Variants in ESCO1 observed in about 807,000 individuals in gnomAD.
The protein encoded by ESCO1 is N-acetyltransferase ESCO1.
ESCO1 carries 33 observed loss-of-function variants against 83.5 expected under a neutral mutation model. The observed-to-expected ratio is 0.40, with a 90% confidence interval of 0.30 to 0.53. The LOEUF is 0.53. Ranked by LOEUF, ESCO1 falls within the 20% of genes least tolerant of loss-of-function variation. The probability of loss-of-function intolerance (pLI) is 0.63; values close to 1 mark genes in which losing one functional copy is unlikely to be tolerated. For synonymous variants in ESCO1, 332 were observed against 324.3 expected, an observed-to-expected ratio of 1.02 and a Z score of -0.25; for missense variants, 855 against 968.0, an observed-to-expected ratio of 0.88 and a Z score of 1.55.
At chr18:21,566,593 C>A (rs938454216) in intron 5 of ESCO1, among the ~76,000 whole-genome samples, 1 of 152,104 alleles carries the variant, frequency 6.6e-6, no homozygotes, top group African/African-American at 2.4e-5. Flanking sequence ...GGCATGGTGG[C>A]CTCACATCTG....
At chr18:21,543,300 A>G (rs1385770666) in intron 8 of ESCO1, among the ~76,000 whole-genome samples, 2 of 152,188 alleles carry the variant, frequency 1.3e-5, no homozygotes, top group Admixed American at 1.3e-4. Flanking sequence ...GATCACAGGC[A>G]TGTGCCACCA....
intron 8 of ESCO1, among the ~76,000 whole-genome samples, chr18:21,544,490 G>A (rs2037946979): frequency 2.0e-5 from 3 of 150,742 alleles, no homozygotes; most frequent in African/African-American, 4.9e-5. Context: ...CTAGACAAGC[G>A]TGGTGGCATG....
At chr18:21,549,795 T>C (rs1307074222) in intron 8 of ESCO1, among the ~76,000 whole-genome samples, 1 of 151,744 alleles carries the variant, frequency 6.6e-6, no homozygotes, top group Admixed American at 6.6e-5. Context: ...GCTGAAACCC[T>C]GTCTCTACTA....
chr18:21,568,140 T>A, intron 4 of ESCO1, 46 bp from the exon 5 acceptor site: 3 of 1,409,798 alleles, frequency 2.1e-6, no homozygotes, highest in Non-Finnish European at 2.0e-6. Flanking sequence ...TTGGGTTTTA[T>A]CTAAATAAAC....
In ESCO1 at chr18:21,530,301, T is replaced by C; in HGVS notation, c.*42A>G. The C allele has an allele frequency of 6.8e-7, 1 of 1,476,580 alleles. No individual in the cohort carries two copies. The highest frequency in any genetic ancestry group is 9.0e-7 in the Non-Finnish European group (1 of 1,111,330). 91.5% of individuals were successfully genotyped at this position (1,476,580 alleles called of 1,614,324 possible). Reference sequence around the variant, plus strand: ...GTTAAAGTCAGCAACCAATCCATTCTCTTCAATAGATGTCTTCTAGTGGTG... The same window carrying C: ...GTTAAAGTCAGCAACCAATCCATTCCCTTCAATAGATGTCTTCTAGTGGTG... On this transcript the variant is annotated 3_prime_UTR_variant, in exon 12 of 12. Transcript: ENST00000269214.
At chr18:21,600,033 T>A (rs779543978) in intron 1 of ESCO1, among the ~76,000 whole-genome samples, 3 of 152,200 alleles carry the variant, frequency 2.0e-5, no homozygotes, top group African/African-American at 4.8e-5. Flanking sequence ...AGTTACTCTA[T>A]GACCTTGGGC....
chr18:21,547,965 G>A (rs2037994960), intron 8 of ESCO1, among the ~76,000 whole-genome samples: 1 of 152,112 alleles, frequency 6.6e-6, no homozygotes, highest in South Asian at 2.1e-4. Flanking sequence ...AGTCGGGCAT[G>A]GTGGAGAGTG....
intron 9 of ESCO1, among the ~76,000 whole-genome samples, chr18:21,536,590 CAA>C (rs35366987): frequency 1.8e-3 from 173 of 96,736 alleles, no homozygotes; most frequent in Middle Eastern, 5.0e-3. Flanking sequence ...GACTCCATCT[CAA>C]AAAAAAAAAA....
intron 8 of ESCO1, chr18:21,540,460 A>G: frequency 1.2e-6 from 1 of 824,466 alleles, no homozygotes; most frequent in Non-Finnish European, 1.5e-6. Context: ...AAAGACCTCC[A>G]GGAGGTTTTA....
chr18:21,599,314 G>A (rs938352822), intron 1 of ESCO1, among the ~76,000 whole-genome samples: 3 of 152,368 alleles, frequency 2.0e-5, no homozygotes, highest in Admixed American at 6.5e-5. Context: ...CTGCAATCCA[G>A]TCTGGGCGAC....
At chr18:21,589,682 A>G (rs2038634787) in intron 1 of ESCO1, among the ~76,000 whole-genome samples, 1 of 152,172 alleles carries the variant, frequency 6.6e-6, no homozygotes, top group South Asian at 2.1e-4. Flanking sequence ...CTCTTCTGGG[A>G]CAACAGAGTA....
intron 1 of ESCO1, among the ~76,000 whole-genome samples, chr18:21,600,006 C>G (rs1274682204): frequency 6.6e-6 from 1 of 152,180 alleles, no homozygotes; most frequent in Non-Finnish European, 1.5e-5. Context: ...TGTGCCGAGA[C>G]CCCCATTTGC....
intron 1 of ESCO1, among the ~76,000 whole-genome samples, chr18:21,589,837 T>C (rs915880727): frequency 4.4e-5 from 5 of 113,146 alleles, no homozygotes; most frequent in African/African-American, 1.3e-4. Context: ...TCCGTCTTTT[T>C]TTTCCTCTCT....
intron 11 of ESCO1, 55 bp downstream of exon 11, chr18:21,532,418 C>T (rs2037778901): frequency 2.0e-6 from 3 of 1,527,012 alleles, no homozygotes; most frequent in African/African-American, 1.4e-5. Flanking sequence ...TACACTAAAG[C>T]TCTGCCTAAG....
chr18:21,571,832 T>A (rs2038345495), intron 4 of ESCO1, among the ~76,000 whole-genome samples: 1 of 152,234 alleles, frequency 6.6e-6, no homozygotes, highest in Admixed American at 6.5e-5. Context: ...CTAATTACTA[T>A]CACTGACTGG....
chr18:21,563,361 T>C (rs1008375257), intron 7 of ESCO1, among the ~76,000 whole-genome samples: 2 of 152,128 alleles, frequency 1.3e-5, no homozygotes, highest in Non-Finnish European at 2.9e-5. Flanking sequence ...CAGGAATATT[T>C]TTCTGAGACA....
chr18:21,588,890 CAAATAAAT>C (rs774890804), intron 1 of ESCO1, among the ~76,000 whole-genome samples: 1 of 151,836 alleles, frequency 6.6e-6, no homozygotes, highest in Admixed American at 6.6e-5. Flanking sequence ...GACTCTGTGT[CAAATAAAT>C]AAATAAATAA....
chr18:21,576,795 G>A (rs930531185), intron 2 of ESCO1, among the ~76,000 whole-genome samples: 2 of 152,164 alleles, frequency 1.3e-5, no homozygotes, highest in African/African-American at 4.8e-5. Flanking sequence ...AGCACTTTGG[G>A]AGGCCAAAGC....
chr18:21,565,449 G>C (rs887676588), intron 6 of ESCO1, among the ~76,000 whole-genome samples: 2 of 152,198 alleles, frequency 1.3e-5, no homozygotes, highest in Non-Finnish European at 2.9e-5. Context: ...CACTTTGGAG[G>C]AAAGTCTGAC....
Sources: allele counts gnomAD v4.1 joint callset (sites outside exome capture counted in the v4.1 genomes callset), GRCh38; gene constraint gnomAD v4.1.1; transcripts MANE v1.5; gene names NCBI Gene and HGNC (gene_info 2026-07-23, HGNC 2026-07-21).